Variants in CARNMT1 observed in about 807,000 individuals in gnomAD.
The protein encoded by CARNMT1 is protein-L-histidine N-pros-methyltransferase CARNMT1.
In CARNMT1, 28 loss-of-function variants were observed where a neutral mutation model predicts 49.6. The ratio of observed to expected loss-of-function variants is 0.56; its 90% CI spans 0.42 to 0.77. The LOEUF is 0.77. Ranked by LOEUF, CARNMT1 falls within the 30% of genes least tolerant of loss-of-function variation. The probability of loss-of-function intolerance (pLI) is 0.00; values close to 1 mark genes in which losing one functional copy is unlikely to be tolerated. For missense variants in CARNMT1, 421 were observed against 512.6 expected (o/e 0.82, Z 1.73); for synonymous variants, 178 against 175.0 (o/e 1.02, Z -0.13).
At chr9:74,989,782 C>T (rs1281118552) in intron 6 of CARNMT1, among the ~76,000 whole-genome samples, 1 of 152,148 alleles carries the variant, frequency 6.6e-6, no homozygotes, top group Non-Finnish European at 1.5e-5. Context: ...CCAATAAACA[C>T]TCAAAGTCAA....
chr9:75,005,935 T>TC (rs1199627428), intron 3 of CARNMT1, among the ~76,000 whole-genome samples: 1 of 151,480 alleles, frequency 6.6e-6, no homozygotes, highest in East Asian at 1.9e-4. Context: ...GACATTAAAT[T>TC]CCCCATGTAC....
chr9:74,985,086 G>A, intron 6 of CARNMT1, 76 bp from the exon 7 acceptor site: 1 of 1,084,808 alleles, frequency 9.2e-7, no homozygotes, highest in South Asian at 1.3e-5. Context: ...ATTCCAAGTT[G>A]AGTAAGTTAG....
At chr9:75,022,065 A>G in intron 1 of CARNMT1, among the ~76,000 whole-genome samples, 1 of 152,170 alleles carries the variant, frequency 6.6e-6, no homozygotes, top group South Asian at 2.1e-4. Flanking sequence ...TTAGGTAACC[A>G]TCAGTGACTT....
intron 6 of CARNMT1, among the ~76,000 whole-genome samples, chr9:74,992,093 G>T (rs903878200): frequency 4.6e-5 from 7 of 151,984 alleles, no homozygotes; most frequent in Admixed American, 3.9e-4. Flanking sequence ...CCAACATGGT[G>T]AAACCCCATC....
intron 6 of CARNMT1, among the ~76,000 whole-genome samples, chr9:74,989,215 G>A (rs1407374424): frequency 6.6e-6 from 1 of 152,042 alleles, no homozygotes; most frequent in Non-Finnish European, 1.5e-5. Flanking sequence ...GGGCTCCAGT[G>A]ATCCTCCCAC....
At chr9:75,006,514 A>C (rs1833516115) in intron 3 of CARNMT1, among the ~76,000 whole-genome samples, 2 of 152,174 alleles carry the variant, frequency 1.3e-5, no homozygotes, top group East Asian at 3.9e-4. Flanking sequence ...AGTAAGTAAA[A>C]CAAATAACAT....
chr9:74,988,498 C>T (rs1832917268), intron 6 of CARNMT1, among the ~76,000 whole-genome samples: 1 of 152,104 alleles, frequency 6.6e-6, no homozygotes, highest in South Asian at 2.1e-4. Context: ...GTATGAATGT[C>T]TTATGACTGT....
At chr9:74,984,106 C>T (rs1057063962) in intron 7 of CARNMT1, among the ~76,000 whole-genome samples, 3 of 152,150 alleles carry the variant, frequency 2.0e-5, no homozygotes, top group African/African-American at 7.2e-5. Flanking sequence ...CTCTGAACTA[C>T]TATAATATGT....
rs1348481703 is a variant in CARNMT1 at position 74,981,555 on chromosome 9, T to C, written c.*2212A>G. The C allele has an allele frequency of 6.6e-6, 1 of 152,110 alleles. No homozygotes were observed. Among genetic ancestry groups the C allele is most frequent in the Admixed American group, 6.5e-5 (1 of 15,276 alleles). The allele number at this position is 152,110 out of a possible 1,614,324, so 9.4% of individuals were successfully genotyped here. On this transcript the variant is annotated 3_prime_UTR_variant, in exon 8 of 8. Coordinates refer to ENST00000376834, the MANE Select transcript of CARNMT1 (RefSeq NM_152420.3). ...AGAAAAGAAGTGATGCAAATTTGTA[T>C]AGAACATTTAAAAAACAATATTCAT...
chr9:75,020,035 A>G (rs1201343987), intron 1 of CARNMT1, among the ~76,000 whole-genome samples: 1 of 152,224 alleles, frequency 6.6e-6, no homozygotes, highest in African/African-American at 2.4e-5. Context: ...GACTGAGCAT[A>G]TGTGGAAAAA....
rs1832698897 is a variant in CARNMT1, at chr9:74,981,786, C to T, written c.*1981G>A. On this transcript the variant is annotated 3_prime_UTR_variant, in exon 8 of 8. Transcript: ENST00000376834. ...GATACAAGTTGTAAAAAAGTGAATA[C>T]TAGTCAGTGAATAAAAAGCATGTCT... The T allele has an allele frequency of 1.3e-5, 2 of 152,028 alleles. No individual in the cohort carries two copies. The highest frequency in any genetic ancestry group is 2.1e-4 in the South Asian group (1 of 4,822). 9.4% of individuals were successfully genotyped at this position (152,028 alleles called of 1,614,324 possible).
At chr9:74,991,911 A>C (rs755207007) in intron 6 of CARNMT1, among the ~76,000 whole-genome samples, 1 of 152,046 alleles carries the variant, frequency 6.6e-6, no homozygotes, top group Non-Finnish European at 1.5e-5. Context: ...TTATATTTTT[A>C]CTACTACTAT....
chr9:74,983,994 C>A (rs1832752649), intron 7 of CARNMT1, 126 bp from the exon 8 acceptor site: 1 of 507,890 alleles, frequency 2.0e-6, no homozygotes. Context: ...CATACAACTA[C>A]CCCCATAAGA....
chr9:75,001,174 AT>A (rs1833342432), intron 3 of CARNMT1, among the ~76,000 whole-genome samples: 1 of 152,278 alleles, frequency 6.6e-6, no homozygotes, highest in South Asian at 2.1e-4. Flanking sequence ...AAGCAAAAGG[AT>A]TTGGAAGTAA....
At chr9:75,004,240 C>A (rs554996732) in intron 3 of CARNMT1, among the ~76,000 whole-genome samples, 22 of 152,360 alleles carry the variant, frequency 1.4e-4, no homozygotes, top group African/African-American at 4.6e-4. Flanking sequence ...CTAATTTATT[C>A]TTCCACCAGC....
rs1338345163 is a variant in CARNMT1 at position 74,991,092 on chromosome 9, A to C, written c.1024+5355T>G. ...GATATTGACATGCCCACTCCAAGAAATGTGACTTGCATCTGTGCAAAACAT... is the reference window on the plus strand; with the variant it reads ...GATATTGACATGCCCACTCCAAGAACTGTGACTTGCATCTGTGCAAAACAT... On this transcript the variant is annotated intron_variant, in intron 6 of 7. Coordinates refer to ENST00000376834, the MANE Select transcript of CARNMT1 (RefSeq NM_152420.3). The C allele has an allele frequency of 2.0e-5, 3 of 152,164 alleles. No homozygotes were observed. The East Asian group carries it at 5.8e-4, about 29-fold the overall frequency. The allele number at this position is 152,164 out of a possible 1,614,324, so 9.4% of individuals were successfully genotyped here. A position where few individuals can be genotyped will look rare whatever the true frequency, so the allele number is the denominator to read the frequency against.
Position 75,026,167 on chromosome 9 carries a change from T to C in CARNMT1, c.230+1845A>G, listed in dbSNP as rs114151182. Among the ~76,000 whole-genome samples, 1,065 of 152,244 alleles carry C rather than the reference T, an allele frequency of 7.0e-3. 6 individuals are homozygous for C. The highest frequency in any genetic ancestry group is 0.024 in the African/African-American group (1,002 of 41,546). On this transcript the variant is annotated intron_variant, in intron 1 of 7. Transcript: ENST00000376834. ...AAACTGTTTTTTTTAAAAAATGAAA[T>C]GTCCTGAATCCAACATTACGCTGGT...
At chr9:75,027,895 G>C in intron 1 of CARNMT1, 117 bp downstream of exon 1, 2 of 1,171,594 alleles carry the variant, frequency 1.7e-6, no homozygotes, top group Non-Finnish European at 2.3e-6. Flanking sequence ...GCAGCAGCCG[G>C]GTCCCGACGC....
intron 3 of CARNMT1, among the ~76,000 whole-genome samples, chr9:75,007,818 G>A (rs1447971352): frequency 6.6e-6 from 1 of 150,840 alleles, no homozygotes; most frequent in Non-Finnish European, 1.5e-5. Flanking sequence ...CTACTCAATG[G>A]TGAAAGACTG....
Sources: allele counts gnomAD v4.1 joint callset (sites outside exome capture counted in the v4.1 genomes callset), GRCh38; gene constraint gnomAD v4.1.1; transcripts MANE v1.5; gene names NCBI Gene and HGNC (gene_info 2026-07-23, HGNC 2026-07-21).